Variants in TENT5D observed in about 807,000 individuals in gnomAD.
The protein encoded by TENT5D is cancer/testis antigen 112.
For missense variants in TENT5D, 191 were observed against 287.0 expected, an observed-to-expected ratio of 0.67 and a Z score of 2.42; for synonymous variants, 103 against 100.6, an observed-to-expected ratio of 1.02 and a Z score of -0.15.
At chrX:80,339,818 A>G (rs1929921802) in intron 2 of TENT5D, among the ~76,000 whole-genome samples, 1 of 109,357 alleles carries the variant, frequency 9.1e-6, no homozygotes, top group Non-Finnish European at 1.9e-5. Context: ...TTTAATAACA[A>G]ATATCACGTT....
chrX:80,416,055 C>T (rs1931766181), upstream of TENT5D, among the ~76,000 whole-genome samples: 1 of 109,896 alleles, frequency 9.1e-6, no homozygotes, highest in Non-Finnish European at 1.9e-5. Flanking sequence ...TCCAGTTATT[C>T]TAGGTTTTCT....
chrX:80,358,581 AT>A (rs1569357643), intron 3 of TENT5D, among the ~76,000 whole-genome samples: 1 of 111,947 alleles, frequency 8.9e-6, no homozygotes, highest in African/African-American at 3.2e-5. Context: ...TTTATTTTTT[AT>A]TTTTTTGGAA....
chrX:80,430,833 G>A (rs1202492213), intron 1 of TENT5D, among the ~76,000 whole-genome samples: 1 of 111,221 alleles, frequency 9.0e-6, no homozygotes, highest in Non-Finnish European at 1.9e-5. Flanking sequence ...AGAGGCGGGG[G>A]AAAGATGTCT....
intron 3 of TENT5D, among the ~76,000 whole-genome samples, chrX:80,363,995 A>G (rs746711783): frequency 8.9e-6 from 1 of 112,529 alleles, no homozygotes; most frequent in Non-Finnish European, 1.9e-5. Flanking sequence ...CAAGTAAACA[A>G]TACAATATTA....
At chrX:80,342,120 A>T (rs1929973100) in intron 2 of TENT5D, among the ~76,000 whole-genome samples, 1 of 111,792 alleles carries the variant, frequency 8.9e-6, no homozygotes, top group African/African-American at 3.3e-5. Flanking sequence ...ACATTCAATT[A>T]AAAGGTAAAT....
In TENT5D at chrX:80,392,495, C is replaced by CTT. The variant is rs72029455; in HGVS notation, c.-141-46084_-141-46083dup. ...TTTATAGCTTTATTCTCATTTTATT[C>CTT]TTTTTTTTTTTTTTTTTTTTTTTTT... On this transcript the variant is annotated intron_variant, in intron 3 of 4. Transcript: ENST00000538312. Among the ~76,000 whole-genome samples, 58 of 24,306 alleles carry CTT rather than the reference C, an allele frequency of 2.4e-3. 8 individuals carry two copies. Among genetic ancestry groups the CTT allele is most frequent in the East Asian group, 7.0e-3 (5 of 715 alleles). The allele number at this position is 24,306 out of a possible 115,157, so 21.1% of individuals were successfully genotyped here.
chrX:80,337,838 C>T (rs1473000023), intron 2 of TENT5D, among the ~76,000 whole-genome samples: 6 of 110,001 alleles, frequency 5.5e-5, no homozygotes, highest in Admixed American at 3.9e-4. Context: ...AATCTTGGCT[C>T]GCTGCAACTT....
chrX:80,349,131 T>G (rs1930123375), intron 3 of TENT5D, among the ~76,000 whole-genome samples: 1 of 112,225 alleles, frequency 8.9e-6, no homozygotes, highest in Non-Finnish European at 1.9e-5. Context: ...TTTGTTGTTT[T>G]GTCTCTACCA....
intron 3 of TENT5D, among the ~76,000 whole-genome samples, chrX:80,357,874 C>T (rs938440071): frequency 4.5e-5 from 5 of 111,440 alleles, no homozygotes; most frequent in South Asian, 3.7e-4. Context: ...CTAAGCAAAA[C>T]GAACAACGCT....
intron 3 of TENT5D, among the ~76,000 whole-genome samples, chrX:80,411,099 T>TG (rs1468381295): frequency 4.6e-5 from 2 of 43,608 alleles, no homozygotes; most frequent in Admixed American, 7.4e-4. Flanking sequence ...TGTTGTGGGG[T>TG]GGGGGGAGGG....
chrX:80,402,868 A>G (rs192644573), intron 3 of TENT5D, among the ~76,000 whole-genome samples: 3 of 111,975 alleles, frequency 2.7e-5, no homozygotes, highest in African/African-American at 9.7e-5. Context: ...GCCATTAGAT[A>G]GAATGTTCAG....
At chrX:80,408,499 A>G (rs1281362783) in intron 3 of TENT5D, among the ~76,000 whole-genome samples, 13 of 109,987 alleles carry the variant, frequency 1.2e-4, no homozygotes, top group Admixed American at 9.7e-5. Context: ...AAAATCTAGA[A>G]GAAATGGATA....
At chrX:80,430,845 C>T (rs958127788) in intron 1 of TENT5D, among the ~76,000 whole-genome samples, 18 of 111,227 alleles carry the variant, frequency 1.6e-4, no homozygotes, top group South Asian at 1.2e-3. Context: ...AAGATGTCTC[C>T]TTTCTCTTTT....
At chrX:80,405,932 G>C (rs1188373693) in intron 3 of TENT5D, among the ~76,000 whole-genome samples, 2 of 109,860 alleles carry the variant, frequency 1.8e-5, no homozygotes, top group Admixed American at 9.6e-5. Flanking sequence ...CCTCAAGTGG[G>C]TCCCTGACCC....
At chrX:80,421,293 C>T (rs1931879315) in intron 1 of TENT5D, among the ~76,000 whole-genome samples, 2 of 111,693 alleles carry the variant, frequency 1.8e-5, no homozygotes, top group African/African-American at 3.3e-5. Flanking sequence ...TCAAGCGATT[C>T]TCCTGCCTCA....
chrX:80,352,918 G>C (rs1930215325), intron 3 of TENT5D, among the ~76,000 whole-genome samples: 1 of 110,274 alleles, frequency 9.1e-6, no homozygotes, highest in Admixed American at 9.7e-5. Flanking sequence ...GCTTCCCTTG[G>C]CTGGGGGAGG....
At chrX:80,416,425 C>T (rs190429152), upstream of TENT5D, among the ~76,000 whole-genome samples, 6 of 106,640 alleles carry the variant, frequency 5.6e-5, no homozygotes, top group Admixed American at 2.0e-4. Flanking sequence ...TTGATGTCAT[C>T]GTTTAGTGTT....
intron 2 of TENT5D, among the ~76,000 whole-genome samples, chrX:80,341,058 G>A (rs1485371381): frequency 3.6e-5 from 4 of 111,688 alleles, no homozygotes; most frequent in African/African-American, 1.3e-4. Context: ...GGTAAAATAT[G>A]AATCCAATAC....
chrX:80,388,930 C>G (rs1024428611), intron 3 of TENT5D, among the ~76,000 whole-genome samples: 1 of 111,648 alleles, frequency 9.0e-6, no homozygotes, highest in African/African-American at 3.3e-5. Context: ...CTAGGATGGA[C>G]AATTTCCATC....
Sources: allele counts gnomAD v4.1 joint callset (sites outside exome capture counted in the v4.1 genomes callset), GRCh38; gene constraint gnomAD v4.1.1; transcripts MANE v1.5; gene names NCBI Gene and HGNC (gene_info 2026-07-23, HGNC 2026-07-21).